The following APBB1 variants were observed in gnomAD, a reference collection of about 807,000 sequenced individuals.
APBB1 encodes amyloid beta precursor protein binding family B member 1.
In APBB1, 22 loss-of-function variants were observed where a neutral mutation model predicts 78.4. The observed-to-expected ratio is 0.28, with a 90% confidence interval of 0.20 to 0.40. APBB1 has a LOEUF of 0.40. Ranked by LOEUF, APBB1 falls within the 10% of genes least tolerant of loss-of-function variation. The probability of loss-of-function intolerance (pLI) is 1.00; values close to 1 mark genes in which losing one functional copy is unlikely to be tolerated. For synonymous variants in APBB1, 369 were observed against 372.7 expected (o/e 0.99, Z 0.12); for missense variants, 749 against 932.4 (o/e 0.80, Z 2.56).
intron 1 of APBB1, among the ~76,000 whole-genome samples, chr11:6,418,655 C>T (rs1849179798): frequency 6.6e-6 from 1 of 152,124 alleles, no homozygotes; most frequent in South Asian, 2.1e-4. Flanking sequence ...GCCAGCCCAC[C>T]CCACCCCACG....
Position 6,411,440 on chromosome 11 carries a change from C to G in APBB1, c.-14-79G>C, listed in dbSNP as rs1848963396. ...TCACTGCTTCTGCCCCAGGGCTATG[C>G]CCTGTGCCTCCTCATCTCCCTGCAC... On this transcript the variant is annotated intron_variant, in intron 1 of 14. Coordinates refer to ENST00000609360, the MANE Select transcript of APBB1 (RefSeq NM_001164.5). The surrounding 1 kb of genome is among the most constrained non-coding windows in gnomAD (Gnocchi z 5.2). 1 of 1,283,760 alleles carries G rather than the reference C, an allele frequency of 7.8e-7. No homozygotes were observed. The highest frequency in any genetic ancestry group is 2.4e-5 in the Admixed American group (1 of 41,812). 79.5% of individuals were successfully genotyped at this position (1,283,760 alleles called of 1,614,324 possible).
chr11:6,397,869 G>A (rs945878076), intron 12 of APBB1, among the ~76,000 whole-genome samples: 2 of 152,192 alleles, frequency 1.3e-5, no homozygotes, highest in African/African-American at 4.8e-5. Context: ...AAATGCACCC[G>A]AACTGGTAAA....
At chr11:6,415,229 G>C (rs1257502865) in intron 1 of APBB1, among the ~76,000 whole-genome samples, 2 of 152,170 alleles carry the variant, frequency 1.3e-5, no homozygotes, top group Non-Finnish European at 2.9e-5. Flanking sequence ...GTTGGGCAGG[G>C]GCCTCGGGGC....
chr11:6,405,434 C>A, intron 2 of APBB1: 1 of 987,358 alleles, frequency 1.0e-6, no homozygotes, highest in African/African-American at 1.7e-5. Flanking sequence ...AACCGCAGCA[C>A]CAGGACCGGC....
At chr11:6,415,124 A>T (rs1013483276) in intron 1 of APBB1, among the ~76,000 whole-genome samples, 11 of 152,162 alleles carry the variant, frequency 7.2e-5, no homozygotes, top group African/African-American at 2.4e-4. Flanking sequence ...TCTCAGTCCA[A>T]TTTTTTAAAG....
At chr11:6,402,257 G>A (rs763469533) in intron 7 of APBB1, 48 bp from the exon 8 acceptor site, 3 of 1,605,022 alleles carry the variant, frequency 1.9e-6, no homozygotes, top group African/African-American at 1.3e-5. Context: ...CCAGGATGGT[G>A]GCTGATCTCT....
At chr11:6,415,414 G>A (rs113682508) in intron 1 of APBB1, among the ~76,000 whole-genome samples, 1,892 of 152,260 alleles carry the variant, frequency 0.012, 43 homozygotes, top group African/African-American at 0.041. Flanking sequence ...TCTTCCTCTG[G>A]AGGAGTTCTC....
At position 6,401,387 on chromosome 11, in the gene APBB1, G is replaced by C; in HGVS notation, c.1546C>G (p.Leu516Val). ...RRNARCLVNGLSLDHSKLVDV... is the reference protein window; with the variant it reads ...RRNARCLVNGVSLDHSKLVDV... ...ACAAGTTTAGAGTGGTCCAGGGAGA[G>C]TCCATTTACCAAGCAGCGGGCATTA... is the stretch of plus-strand genomic sequence containing the variant. The change falls in exon 11 of 15, where the codon CTC becomes GTC. Residue 516 changes from leucine to valine, a missense_variant. Physicochemically the swap from Leu to Val is conservative, Grantham distance 32 (BLOSUM62 1). Coordinates refer to ENST00000609360, the MANE Select transcript of APBB1 (RefSeq NM_001164.5). The surrounding 1 kb of genome is among the most constrained non-coding windows in gnomAD (Gnocchi z 4.5). 6.2e-7 allele frequency: 1 copy of C among 1,614,124 alleles called. No individual in the cohort carries two copies. Among genetic ancestry groups the C allele is most frequent in the Non-Finnish European group, 8.5e-7 (1 of 1,180,032 alleles).
At chr11:6,396,508 T>C (rs1848231866) in intron 12 of APBB1, 1 of 374,786 alleles carries the variant, frequency 2.7e-6, no homozygotes. Flanking sequence ...AAAGTTCTGA[T>C]TTCCCCAAAT....
rs746309682 is a variant in APBB1, at chr11:6,410,826, A to G, written c.522T>C (p.Ser174=). 1 of 1,613,828 alleles carries G rather than the reference A, an allele frequency of 6.2e-7. No homozygotes were observed. The highest frequency in any genetic ancestry group is 8.5e-7 in the Non-Finnish European group (1 of 1,179,846). ...GGGGCTCAGGCAGCCCTGGGGGAGA[A>G]GATAAGTCCTCCTCCTCCTCTTCAT... The part of the protein sequence containing the change: ...DDDEEEEEDL[S]SPPGLPEPLE... Residue 174 remains serine (S), a synonymous_variant, in exon 2 of 15, where the codon TCT becomes TCC. Transcript: ENST00000609360.
chr11:6,405,577 G>A, intron 2 of APBB1: 1 of 986,024 alleles, frequency 1.0e-6, no homozygotes, highest in Non-Finnish European at 1.2e-6. Context: ...AGCAGGGCTG[G>A]GAGTGGGCGT....
intron 13 of APBB1, 31 bp downstream of exon 13, chr11:6,396,069 C>T (rs72896281): frequency 0.017 from 26,911 of 1,591,776 alleles, 356 homozygotes; most frequent in South Asian, 0.047. Context: ...TATGGCAAGG[C>T]GCAGCCACGA....
At position 6,401,885 on chromosome 11, in the gene APBB1, T is replaced by C. The variant is rs762634840; in HGVS notation, c.1388+92A>G. On this transcript the variant is annotated intron_variant, in intron 9 of 14. Transcript: ENST00000609360. This position sits in a 1 kb window ranked among gnomAD's most constrained non-coding sequence, Gnocchi z 4.5. Reference sequence around the variant, plus strand: ...TGAGGTGGAGGGTAATGGTGGAGCATAGCGGGTGGGAAGGGGCAGGGCAGA... The same window carrying C: ...TGAGGTGGAGGGTAATGGTGGAGCACAGCGGGTGGGAAGGGGCAGGGCAGA... 17 of 1,518,910 alleles carry C rather than the reference T, an allele frequency of 1.1e-5. No homozygotes were observed. Among genetic ancestry groups the C allele is most frequent in the Non-Finnish European group, 1.4e-5 (16 of 1,122,414 alleles). 94.1% of individuals were successfully genotyped at this position (1,518,910 alleles called of 1,614,324 possible).
chr11:6,419,213 C>G (rs1315580528), upstream of APBB1: 3 of 307,630 alleles, frequency 9.8e-6, no homozygotes, highest in Non-Finnish European at 1.8e-5. Context: ...TCTTGGGGGC[C>G]TCACCCTGCG....
Position 6,411,249 on chromosome 11 carries a change from G to C in APBB1, c.99C>G (p.Asn33Lys), listed in dbSNP as rs1387549600. The change falls in exon 2 of 15, where the codon AAC (asparagine) becomes AAG (lysine). Residue 33 changes from asparagine to lysine, a missense_variant. Asn to Lys is a moderately conservative substitution (Grantham distance 94). This residue lies in a region of APBB1 where 635 missense variants were observed against 765.0 expected (regional missense o/e 0.83). Coordinates refer to ENST00000609360, the MANE Select transcript of APBB1 (RefSeq NM_001164.5). The surrounding 1 kb of genome is among the most constrained non-coding windows in gnomAD (Gnocchi z 5.2). ...CCTGCAGCTTGGCGTTGAGCAGCTG[G>C]TTGTGGGCAGCGTGCAGAGGCAGGG... ...SLPLPLHAAH[N>K]QLLNAKLQAT... is the part of the protein sequence containing the mutation. The C allele has an allele frequency of 6.2e-7, 1 of 1,606,822 alleles. No individual in the cohort carries two copies. The highest frequency in any genetic ancestry group is 1.3e-5 in the African/African-American group (1 of 74,868).
intron 2 of APBB1, chr11:6,405,664 C>G: frequency 4.1e-6 from 4 of 985,764 alleles, no homozygotes; most frequent in Non-Finnish European, 4.8e-6. Flanking sequence ...TTCCAAATGA[C>G]GTGGGCCCAC....
At position 6,400,082 on chromosome 11, in the gene APBB1, G is replaced by T. The variant is rs1166425081; in HGVS notation, c.1672+907C>A. Among the ~76,000 whole-genome samples, 11 of 152,046 alleles carry T rather than the reference G, an allele frequency of 7.2e-5. No homozygotes were observed. The East Asian group carries it at 1.9e-3, about 27-fold the overall frequency. ...TGTGTGATTATTTTATTAATTCCTGGTTTTTTTCTACCATAACCTTCTATA... is the reference window on the plus strand; with the variant it reads ...TGTGTGATTATTTTATTAATTCCTGTTTTTTTTCTACCATAACCTTCTATA... On this transcript the variant is annotated intron_variant, in intron 12 of 14. Coordinates refer to ENST00000609360, the MANE Select transcript of APBB1 (RefSeq NM_001164.5).
At chr11:6,398,574 T>C (rs1030938467) in intron 12 of APBB1, among the ~76,000 whole-genome samples, 2 of 152,046 alleles carry the variant, frequency 1.3e-5, no homozygotes, top group Non-Finnish European at 2.9e-5. Context: ...AGTCAAGTGG[T>C]AGATGGAAAG....
At position 6,396,057 on chromosome 11, in the gene APBB1, T is replaced by C. The variant is rs776138401; in HGVS notation, c.1788+43A>G. 26 of 1,600,882 alleles carry C rather than the reference T, an allele frequency of 1.6e-5. 1 individual carries two copies. The Admixed American group carries it at 2.1e-4, about 13-fold the overall frequency. On this transcript the variant is annotated intron_variant, in intron 13 of 14. Coordinates refer to ENST00000609360, the MANE Select transcript of APBB1 (RefSeq NM_001164.5). The stretch of plus-strand genomic sequence containing the variant: ...TCTTCCCCTCACCCCCAGTCTCCCC[T>C]CTATGGCAAGGCGCAGCCACGACTT...
Sources: allele counts gnomAD v4.1 joint callset (sites outside exome capture counted in the v4.1 genomes callset), GRCh38; gene constraint gnomAD v4.1.1; regional missense constraint gnomAD v4.1.1; non-coding constraint Gnocchi (gnomAD v3.1); transcripts MANE v1.5; gene names NCBI Gene and HGNC (gene_info 2026-07-23, HGNC 2026-07-21).